CSMD3: variants seen among roughly 807,000 people sequenced by gnomAD.
The protein encoded by CSMD3 is CUB and sushi domain-containing protein 3.
CSMD3 carries 177 observed loss-of-function variants against 435.2 expected under a neutral mutation model. The ratio of observed to expected loss-of-function variants is 0.41; its 90% CI spans 0.36 to 0.46. The LOEUF is 0.46. Ranked by LOEUF, CSMD3 falls within the 20% of genes least tolerant of loss-of-function variation. The pLI is 0.34. For synonymous variants in CSMD3, 1,656 were observed against 1,520.5 expected (o/e 1.09, Z -2.07); for missense variants, 4,265 against 4,504.6 (o/e 0.95, Z 1.52).
chr8:112,810,629 A>G (rs1200886023), intron 12 of CSMD3, among the ~76,000 whole-genome samples: 2 of 152,068 alleles, frequency 1.3e-5, no homozygotes, highest in Non-Finnish European at 2.9e-5. Context: ...TGGAAGTTCA[A>G]TCTGTACCCT....
rs1351948902 is a variant in CSMD3 at position 112,790,189 on chromosome 8, G to C, written c.1972+9973C>G. 2.0e-5 allele frequency among the ~76,000 whole-genome samples: 3 copies of C among 151,786 alleles called. No homozygotes were observed. The East Asian group carries it at 5.8e-4, about 29-fold the overall frequency. ...TAGACAAATAAATATACATAAAAAC[G>C]ACTCTTGCCAGATATCATTTCATTT... On this transcript the variant is annotated intron_variant, in intron 13 of 70. Transcript: ENST00000297405.
At chr8:112,779,690 C>A (rs1222684930) in intron 13 of CSMD3, among the ~76,000 whole-genome samples, 2 of 151,958 alleles carry the variant, frequency 1.3e-5, no homozygotes, top group African/African-American at 4.8e-5. Context: ...AAATAAGTAC[C>A]TCTTTGCATG....
chr8:112,253,737 C>T (rs1280729723), intron 63 of CSMD3, among the ~76,000 whole-genome samples: 1 of 152,008 alleles, frequency 6.6e-6, no homozygotes, highest in Non-Finnish European at 1.5e-5. Context: ...AACAATTCAA[C>T]TATGTGTTGT....
At chr8:112,649,593 CAT>C (rs1241482555) in intron 19 of CSMD3, among the ~76,000 whole-genome samples, 5 of 152,276 alleles carry the variant, frequency 3.3e-5, no homozygotes, top group African/African-American at 1.2e-4. Context: ...CACTGGATTT[CAT>C]ATGTGTTTCC....
intron 5 of CSMD3, among the ~76,000 whole-genome samples, chr8:113,085,604 A>C (rs1379224134): frequency 2.0e-5 from 3 of 152,214 alleles, no homozygotes; most frequent in Admixed American, 6.5e-5. Context: ...GCCATAAAAA[A>C]GAATGAAATC....
chr8:112,831,742 T>C (rs1045725250), intron 11 of CSMD3, among the ~76,000 whole-genome samples: 1 of 152,192 alleles, frequency 6.6e-6, no homozygotes, highest in Non-Finnish European at 1.5e-5. Context: ...TCTGAAAACA[T>C]TCCATTATAG....
chr8:113,187,045 C>T (rs2092514288), intron 3 of CSMD3, among the ~76,000 whole-genome samples: 1 of 151,790 alleles, frequency 6.6e-6, no homozygotes, highest in Admixed American at 6.6e-5. Context: ...AGGGGGATAT[C>T]AGTTATATAC....
intron 2 of CSMD3, chr8:113,311,583 A>G (rs1412134426): frequency 6.6e-6 from 1 of 152,150 alleles, no homozygotes; most frequent in Non-Finnish European, 1.5e-5. Flanking sequence ...ATCCAATATG[A>G]GAGAAACAAA....
chr8:113,036,333 G>A lies in CSMD3; in HGVS notation c.918-17154C>T, dbSNP rs79876677. Among the ~76,000 whole-genome samples the A allele has an allele frequency of 3.4e-3, 519 of 151,972 alleles. 4 individuals are homozygous for A. Among genetic ancestry groups the A allele is most frequent in the African/African-American group, 0.012 (495 of 41,516 alleles). ...TTTTCTTATTCTAAGCACAATATAT[G>A]AATACTTATGAATTTAAAATTGGAT... is the stretch of plus-strand genomic sequence containing the variant. On this transcript the variant is annotated intron_variant, in intron 5 of 70. Coordinates refer to ENST00000297405, the MANE Select transcript of CSMD3 (RefSeq NM_198123.2).
intron 5 of CSMD3, among the ~76,000 whole-genome samples, chr8:113,043,531 A>G (rs1030714584): frequency 1.3e-5 from 2 of 152,186 alleles, no homozygotes; most frequent in African/African-American, 4.8e-5. Context: ...AAGAAAATTT[A>G]GAGTAGAAAA....
At chr8:112,780,422 T>C (rs2078354925) in intron 13 of CSMD3, among the ~76,000 whole-genome samples, 1 of 152,020 alleles carries the variant, frequency 6.6e-6, no homozygotes, top group Non-Finnish European at 1.5e-5. Context: ...CTGAATAGAA[T>C]CCTCCAGTGA....
At chr8:113,181,260 G>A (rs1041572973) in intron 3 of CSMD3, among the ~76,000 whole-genome samples, 1 of 151,876 alleles carries the variant, frequency 6.6e-6, no homozygotes, top group African/African-American at 2.4e-5. Context: ...TAAGTCTCAG[G>A]GTAAGATGCA....
chr8:112,586,452 G>A (rs1387078914), intron 23 of CSMD3, among the ~76,000 whole-genome samples: 1 of 151,242 alleles, frequency 6.6e-6, no homozygotes, highest in African/African-American at 2.4e-5. Flanking sequence ...TTGCCAAAAT[G>A]TTATCTTTTT....
intron 7 of CSMD3, among the ~76,000 whole-genome samples, chr8:112,974,436 C>A (rs969058027): frequency 1.3e-5 from 2 of 151,548 alleles, no homozygotes; most frequent in Non-Finnish European, 3.0e-5. Flanking sequence ...GATAGCCTAC[C>A]AATATTAGCT....
Position 113,400,639 on chromosome 8 carries a change from A to G in CSMD3, c.178+36038T>C, listed in dbSNP as rs541992910. 8.6e-5 allele frequency among the ~76,000 whole-genome samples: 13 copies of G among 152,044 alleles called. No homozygotes were observed. The South Asian group carries it at 1.7e-3, about 19-fold the overall frequency. ...AGAGATGTGAATGGATTGGATAGCA[A>G]TAGCTATCCAATTATTTCATGAGGA... On this transcript the variant is annotated intron_variant, in intron 1 of 70. Coordinates refer to ENST00000297405, the MANE Select transcript of CSMD3 (RefSeq NM_198123.2).
intron 38 of CSMD3, among the ~76,000 whole-genome samples, chr8:112,362,441 G>A (rs1586880219): frequency 6.6e-6 from 1 of 151,854 alleles, no homozygotes; most frequent in African/African-American, 2.4e-5. Flanking sequence ...ATAAGTAAAT[G>A]AATACTCAGT....
intron 32 of CSMD3, among the ~76,000 whole-genome samples, chr8:112,436,226 A>G (rs994879291): frequency 1.3e-5 from 2 of 151,898 alleles, no homozygotes; most frequent in African/African-American, 2.4e-5. Flanking sequence ...TGAGAAACTG[A>G]TCTAATGAAA....
chr8:113,279,726 T>TA (rs202155221), intron 2 of CSMD3, among the ~76,000 whole-genome samples: 467 of 151,932 alleles, frequency 3.1e-3, no homozygotes, highest in African/African-American at 0.011. Context: ...GGATTTGAGG[T>TA]AACTTGTTTT....
At chr8:113,048,255 G>A (rs1055109683) in intron 5 of CSMD3, among the ~76,000 whole-genome samples, 19 of 152,028 alleles carry the variant, frequency 1.2e-4, no homozygotes, top group African/African-American at 4.3e-4. Flanking sequence ...AACACGCCCA[G>A]CTAATTTGTT....
Sources: allele counts gnomAD v4.1 joint callset (sites outside exome capture counted in the v4.1 genomes callset), GRCh38; gene constraint gnomAD v4.1.1; transcripts MANE v1.5; gene names NCBI Gene and HGNC (gene_info 2026-07-23, HGNC 2026-07-21).